The following FBXO4 variants were observed in gnomAD, a reference collection of about 807,000 sequenced individuals.
FBXO4 encodes F-box protein 4, also known as F-box only protein 4.
Under a neutral mutation model 43.7 loss-of-function variants are expected in FBXO4, and 36 were observed. The observed-to-expected ratio is 0.82, with a 90% CI of 0.63 to 1.09. The LOEUF is 1.09. FBXO4 is among the 50% of genes least tolerant of loss of function. FBXO4 has a pLI of 0.00. For missense variants in FBXO4, 435 were observed against 474.1 expected (o/e 0.92, Z 0.77); for synonymous variants, 180 against 165.6 (o/e 1.09, Z -0.67).
chr5:41,999,586 A>C, the FBXO4 span, among the ~76,000 whole-genome samples: 1 of 141,154 alleles, frequency 7.1e-6, no homozygotes, highest in African/African-American at 2.7e-5. Context: ...GTAGTTTACT[A>C]AATATTAGGC....
chr5:42,017,287 G>T, the FBXO4 span, among the ~76,000 whole-genome samples: 1 of 151,978 alleles, frequency 6.6e-6, no homozygotes, highest in African/African-American at 2.4e-5. Flanking sequence ...AAAAAGTCAT[G>T]AAAATATTGA....
At chr5:42,031,898 TAAG>T in the FBXO4 span, among the ~76,000 whole-genome samples, 1 of 152,108 alleles carries the variant, frequency 6.6e-6, no homozygotes, top group Non-Finnish European at 1.5e-5. Flanking sequence ...GGAAGCATCG[TAAG>T]TTCAGTAACA....
At chr5:42,007,462 C>T in the FBXO4 span, among the ~76,000 whole-genome samples, 8 of 152,076 alleles carry the variant, frequency 5.3e-5, no homozygotes, top group African/African-American at 1.9e-4. Context: ...AATACATATT[C>T]TTTCTATTTC....
chr5:41,934,378 C>T, intron 5 of FBXO4, 70 bp downstream of exon 5: 3 of 1,597,032 alleles, frequency 1.9e-6, no homozygotes, highest in South Asian at 1.1e-5. Context: ...CCTTTTTAGA[C>T]TTTACTGTGG....
the FBXO4 span, among the ~76,000 whole-genome samples, chr5:41,988,220 A>G: frequency 2.0e-5 from 3 of 152,062 alleles, no homozygotes; most frequent in Admixed American, 6.6e-5. Context: ...TCATTCCCCA[A>G]CCACTTTGTG....
intron 2 of FBXO4, 129 bp from the exon 3 acceptor site, chr5:41,929,565 TCTC>T (rs1200626304): frequency 1.5e-6 from 1 of 667,850 alleles, no homozygotes; most frequent in Non-Finnish European, 2.5e-6. Context: ...TGTCTATTGT[TCTC>T]CTGGAGGATT....
the FBXO4 span, among the ~76,000 whole-genome samples, chr5:41,985,481 C>A: frequency 1.3e-5 from 2 of 151,982 alleles, no homozygotes; most frequent in Non-Finnish European, 2.9e-5. Flanking sequence ...TTCCTGGAAT[C>A]TTTATAATTA....
At chr5:41,982,959 A>C in the FBXO4 span, among the ~76,000 whole-genome samples, 2 of 152,098 alleles carry the variant, frequency 1.3e-5, no homozygotes, top group African/African-American at 4.8e-5. Context: ...ATAAGTGAGA[A>C]CATGTGGTGT....
chr5:41,941,044 C>A, intron 6 of FBXO4, 148 bp from the exon 7 acceptor site: 1 of 534,928 alleles, frequency 1.9e-6, no homozygotes, highest in Non-Finnish European at 3.3e-6. Flanking sequence ...AAGTGCTCTA[C>A]AAAACAAAAC....
At chr5:42,034,851 CT>C in the FBXO4 span, among the ~76,000 whole-genome samples, 15 of 151,912 alleles carry the variant, frequency 9.9e-5, no homozygotes, top group Non-Finnish European at 1.5e-5. Context: ...TATACAGGCT[CT>C]TTTTTTTCCA....
chr5:42,027,026 T>A, the FBXO4 span, among the ~76,000 whole-genome samples: 1 of 151,968 alleles, frequency 6.6e-6, no homozygotes, highest in Non-Finnish European at 1.5e-5. Flanking sequence ...GATGTGTCTT[T>A]GACTGGTTTT....
chr5:41,934,578 T>G, intron 5 of FBXO4: 1 of 1,332,650 alleles, frequency 7.5e-7, no homozygotes, highest in African/African-American at 1.5e-5. Flanking sequence ...TGGGCATCTG[T>G]TTTTTCCAAG....
chr5:41,963,459 C>G, the FBXO4 span, among the ~76,000 whole-genome samples: 1 of 152,126 alleles, frequency 6.6e-6, no homozygotes, highest in Non-Finnish European at 1.5e-5. Flanking sequence ...AGGGTTAGGG[C>G]TGATCCCCCA....
the FBXO4 span, among the ~76,000 whole-genome samples, chr5:42,024,770 T>A: frequency 2.0e-5 from 3 of 151,868 alleles, no homozygotes; most frequent in African/African-American, 7.2e-5. Context: ...ATTGTTTTGA[T>A]TTTTAGATCC....
the FBXO4 span, among the ~76,000 whole-genome samples, chr5:41,947,917 G>A: frequency 6.6e-6 from 1 of 152,226 alleles, no homozygotes; most frequent in Middle Eastern, 3.4e-3. Context: ...CACCCAAGAC[G>A]GTGATGGGGC....
the FBXO4 span, among the ~76,000 whole-genome samples, chr5:42,018,167 A>C: frequency 2.0e-5 from 3 of 148,986 alleles, no homozygotes; most frequent in African/African-American, 7.3e-5. Context: ...ATATATATCT[A>C]ATAAACTAAA....
the FBXO4 span, among the ~76,000 whole-genome samples, chr5:41,998,327 C>G: frequency 9.5e-4 from 144 of 152,294 alleles, 1 homozygote; most frequent in African/African-American, 3.3e-3. Flanking sequence ...GTGCTGCCCT[C>G]ACAAATCTAT....
chr5:41,999,905 T>C, the FBXO4 span, among the ~76,000 whole-genome samples: 4 of 152,004 alleles, frequency 2.6e-5, no homozygotes, highest in Admixed American at 2.6e-4. Context: ...CCAGGATCAA[T>C]ACTTTGCAAC....
the FBXO4 span, among the ~76,000 whole-genome samples, chr5:41,985,030 C>T: frequency 6.6e-6 from 1 of 152,076 alleles, no homozygotes; most frequent in Non-Finnish European, 1.5e-5. Context: ...GTGATAGATC[C>T]AACCTTCATT....
Sources: allele counts gnomAD v4.1 joint callset (sites outside exome capture counted in the v4.1 genomes callset), GRCh38; gene constraint gnomAD v4.1.1; transcripts MANE v1.5; gene names NCBI Gene and HGNC (gene_info 2026-07-23, HGNC 2026-07-21).